CSMD3: variants seen among roughly 807,000 people sequenced by gnomAD.
CSMD3 encodes CUB and Sushi multiple domains 3, also known as CUB and sushi domain-containing protein 3.
CSMD3 carries 177 observed loss-of-function variants against 435.2 expected under a neutral mutation model. That is an observed-to-expected ratio of 0.41 (90% CI 0.36 to 0.46). The LOEUF (loss-of-function observed/expected upper bound fraction) is 0.46. CSMD3 is among the 20% of genes least tolerant of loss of function. The pLI, the probability that CSMD3 is intolerant of heterozygous loss-of-function variation, is 0.34. For synonymous variants in CSMD3, 1,656 were observed against 1,520.5 expected (o/e 1.09, Z -2.07); for missense variants, 4,265 against 4,504.6 (o/e 0.95, Z 1.52).
intron 61 of CSMD3, 121 bp downstream of exon 61, chr8:112,263,518 G>T: frequency 2.6e-6 from 2 of 774,926 alleles, no homozygotes. Flanking sequence ...TAGCTACATT[G>T]GTAAATACTG....
intron 16 of CSMD3, among the ~76,000 whole-genome samples, chr8:112,675,517 C>T (rs2075752937): frequency 6.6e-6 from 1 of 151,964 alleles, no homozygotes; most frequent in South Asian, 2.1e-4. Context: ...GTGTAGGGGA[C>T]ATGTGAGTCA....
chr8:112,898,043 A>T (rs1199417296), intron 10 of CSMD3, among the ~76,000 whole-genome samples: 1 of 151,212 alleles, frequency 6.6e-6, no homozygotes, highest in Non-Finnish European at 1.5e-5. Flanking sequence ...TGTTATACGT[A>T]TAGAAATACT....
At chr8:113,085,716 G>T (rs1588042658) in intron 5 of CSMD3, among the ~76,000 whole-genome samples, 2 of 152,188 alleles carry the variant, frequency 1.3e-5, no homozygotes, top group East Asian at 3.9e-4. Flanking sequence ...ATATGTGGGA[G>T]CTAAAAAAAA....
At chr8:112,745,071 T>C (rs2132072946) in intron 13 of CSMD3, among the ~76,000 whole-genome samples, 1 of 152,244 alleles carries the variant, frequency 6.6e-6, no homozygotes, top group African/African-American at 2.4e-5. Flanking sequence ...CAGGTAAGCG[T>C]GGTCAGCTGC....
At chr8:112,400,792 T>C (rs2129915513) in intron 35 of CSMD3, among the ~76,000 whole-genome samples, 1 of 152,298 alleles carries the variant, frequency 6.6e-6, no homozygotes, top group East Asian at 1.9e-4. Context: ...ATTTTTATTT[T>C]TGATGGCTAA....
At chr8:112,980,606 A>C (rs1162459562) in intron 6 of CSMD3, among the ~76,000 whole-genome samples, 1 of 151,502 alleles carries the variant, frequency 6.6e-6, no homozygotes, top group Non-Finnish European at 1.5e-5. Context: ...TAGCATATGT[A>C]ATTTAATGTT....
chr8:113,244,738 T>C (rs908936473), intron 3 of CSMD3, among the ~76,000 whole-genome samples: 1 of 152,212 alleles, frequency 6.6e-6, no homozygotes, highest in East Asian at 1.9e-4. Context: ...TGACCATAAA[T>C]ATAAGGGTTT....
At chr8:112,410,628 G>GTGTATATATATGTATATATATGTGTA (rs1554670662) in intron 32 of CSMD3, among the ~76,000 whole-genome samples, 1 of 69,954 alleles carries the variant, frequency 1.4e-5, no homozygotes, top group African/African-American at 4.6e-5. Flanking sequence ...ATATATATGT[G>GTGTATATATATGTATATATATGTGTA]TATATATATG....
intron 59 of CSMD3, among the ~76,000 whole-genome samples, chr8:112,269,791 T>C (rs1198188917): frequency 6.6e-6 from 1 of 152,236 alleles, no homozygotes; most frequent in Non-Finnish European, 1.5e-5. Flanking sequence ...AGGAATTGAT[T>C]TGAGCGATCT....
chr8:113,130,624 T>C (rs1486263398), intron 4 of CSMD3, among the ~76,000 whole-genome samples: 3 of 152,060 alleles, frequency 2.0e-5, no homozygotes, highest in African/African-American at 4.8e-5. Context: ...AGTGAAAAGA[T>C]AGACTAATAC....
intron 36 of CSMD3, among the ~76,000 whole-genome samples, chr8:112,387,623 T>A (rs1350925089): frequency 6.6e-6 from 1 of 152,060 alleles, no homozygotes; most frequent in African/African-American, 2.4e-5. Context: ...CCCAAATGCT[T>A]TACACACTAT....
intron 3 of CSMD3, among the ~76,000 whole-genome samples, chr8:113,230,427 G>A (rs1016603258): frequency 6.6e-6 from 1 of 151,062 alleles, no homozygotes; most frequent in Admixed American, 6.6e-5. Flanking sequence ...TCAAATTTTT[G>A]TACAGCTCCA....
At chr8:112,916,593 G>A (rs941668807) in intron 10 of CSMD3, among the ~76,000 whole-genome samples, 2 of 151,832 alleles carry the variant, frequency 1.3e-5, no homozygotes, top group Admixed American at 6.6e-5. Context: ...TCATCTGTAA[G>A]AATGTTCCAC....
In CSMD3 at chr8:113,027,953, T is replaced by C. The variant is rs143189631; in HGVS notation, c.918-8774A>G. 5.3e-3 allele frequency among the ~76,000 whole-genome samples: 803 copies of C among 152,258 alleles called. 5 individuals carry two copies. Among genetic ancestry groups the C allele is most frequent in the Middle Eastern group, 0.01 (3 of 294 alleles). ...ATACCAAATTTTAATCAAGATTAAA[T>C]GCACAGTTTGCATAGAATTACAGGC... On this transcript the variant is annotated intron_variant, in intron 5 of 70. Transcript: ENST00000297405.
intron 5 of CSMD3, among the ~76,000 whole-genome samples, chr8:113,028,559 C>T (rs1366337999): frequency 2.6e-5 from 4 of 151,346 alleles, no homozygotes; most frequent in East Asian, 3.9e-4. Context: ...AATTATTGAA[C>T]GAAATCACAA....
chr8:113,362,741 T>C (rs530990140), intron 1 of CSMD3, among the ~76,000 whole-genome samples: 1 of 152,282 alleles, frequency 6.6e-6, no homozygotes, highest in East Asian at 1.9e-4. Flanking sequence ...TATCACACTT[T>C]AGTTTGAAGG....
intron 13 of CSMD3, among the ~76,000 whole-genome samples, chr8:112,692,880 C>A (rs2076166653): frequency 6.6e-6 from 1 of 151,958 alleles, no homozygotes; most frequent in Non-Finnish European, 1.5e-5. Context: ...TGTTATCAAT[C>A]TCTTTCTGTG....
At chr8:113,164,702 G>A (rs2092116281) in intron 4 of CSMD3, among the ~76,000 whole-genome samples, 2 of 151,890 alleles carry the variant, frequency 1.3e-5, no homozygotes, top group Admixed American at 1.3e-4. Context: ...TTTCATCACT[G>A]AATGGTTCAA....
At chr8:112,972,549 A>G (rs2084695552) in intron 7 of CSMD3, among the ~76,000 whole-genome samples, 1 of 151,900 alleles carries the variant, frequency 6.6e-6, no homozygotes, top group South Asian at 2.1e-4. Flanking sequence ...ATTATGGATT[A>G]ATGAAAATAT....
Sources: allele counts gnomAD v4.1 joint callset (sites outside exome capture counted in the v4.1 genomes callset), GRCh38; gene constraint gnomAD v4.1.1; transcripts MANE v1.5; gene names NCBI Gene and HGNC (gene_info 2026-07-23, HGNC 2026-07-21).